ABCC4: variants seen among roughly 807,000 people sequenced by gnomAD.
ABCC4 encodes the protein ATP binding cassette subfamily C member 4 (PEL blood group), also known as ATP-binding cassette sub-family C member 4.
In ABCC4, 102 loss-of-function variants were observed where a neutral mutation model predicts 168.5. That is an observed-to-expected ratio of 0.61 (90% CI 0.52 to 0.71). ABCC4 has a LOEUF of 0.71. Among genes scored for constraint, ABCC4 ranks in the 30% least tolerant of loss-of-function variants. The probability of loss-of-function intolerance (pLI) is 0.00; values close to 1 mark genes in which losing one functional copy is unlikely to be tolerated. For synonymous variants in ABCC4, 617 were observed against 590.7 expected (o/e 1.04, Z -0.65); for missense variants, 1,402 against 1,605.8 (o/e 0.87, Z 2.17).
At chr13:95,103,763 C>A (rs1020894957) in intron 20 of ABCC4, among the ~76,000 whole-genome samples, 8 of 152,276 alleles carry the variant, frequency 5.3e-5, no homozygotes, top group Admixed American at 3.3e-4. Flanking sequence ...ATCCTTCCAC[C>A]CAAATCTCTA....
chr13:95,209,513 A>T lies in ABCC4; in HGVS notation c.706T>A (p.Ser236Thr), dbSNP rs148740702. Reference sequence around the variant, plus strand: ...AGAACTGCCATCCCAGCAAGGCACGATATTCCTATCTCCATCCAGAGTAGG... The same window carrying T: ...AGAACTGCCATCCCAGCAAGGCACGTTATTCCTATCTCCATCCAGAGTAGG... ...TALLWMEIGI[S>T]CLAGMAVLII... Residue 236 changes from serine to threonine, a missense_variant, in exon 6 of 31, where the codon TCG (serine) becomes ACG (threonine). Transcript: ENST00000645237. The T allele has an allele frequency of 6.2e-6, 10 of 1,614,116 alleles. No homozygotes were observed. The highest frequency in any genetic ancestry group is 8.5e-6 in the Non-Finnish European group (10 of 1,180,032).
chr13:95,286,503 T>C (rs1420453886), intron 1 of ABCC4, among the ~76,000 whole-genome samples: 4 of 149,144 alleles, frequency 2.7e-5, no homozygotes, highest in East Asian at 4.1e-4. Flanking sequence ...CTTCTGAGTA[T>C]GAATTAAATT....
chr13:95,189,188 C>A (rs1357660594), intron 9 of ABCC4, among the ~76,000 whole-genome samples: 1 of 121,766 alleles, frequency 8.2e-6, no homozygotes, highest in Non-Finnish European at 1.6e-5. Flanking sequence ...GGCGGGAGTG[C>A]TGTGGCGCGA....
intron 4 of ABCC4, among the ~76,000 whole-genome samples, chr13:95,211,901 C>T (rs9524828): frequency 0.76 from 114,632 of 151,470 alleles, 43,959 homozygotes; most frequent in Non-Finnish European, 0.84. Context: ...AAAAAATGGC[C>T]GGGCGCGGTG....
At chr13:95,263,230 C>A (rs533738976) in intron 1 of ABCC4, among the ~76,000 whole-genome samples, 1 of 152,192 alleles carries the variant, frequency 6.6e-6, no homozygotes, top group South Asian at 2.1e-4. Flanking sequence ...TGTCTCTAAG[C>A]AGACACATGC....
At chr13:95,155,256 A>G (rs1279067477) in intron 19 of ABCC4, among the ~76,000 whole-genome samples, 3 of 151,380 alleles carry the variant, frequency 2.0e-5, no homozygotes, top group Non-Finnish European at 4.4e-5. Flanking sequence ...TGATGCAATC[A>G]CAGCTCACTG....
chr13:95,114,273 C>T (rs1452001750), intron 20 of ABCC4, among the ~76,000 whole-genome samples: 1 of 152,170 alleles, frequency 6.6e-6, no homozygotes, highest in Non-Finnish European at 1.5e-5. Flanking sequence ...CAAGTAGCAT[C>T]CATCCCTCTC....
chr13:95,167,396 T>C (rs1343025054), intron 14 of ABCC4, among the ~76,000 whole-genome samples: 1 of 151,824 alleles, frequency 6.6e-6, no homozygotes, highest in Non-Finnish European at 1.5e-5. Flanking sequence ...GCAAACAAAA[T>C]ATTAGGCAAA....
At chr13:95,075,342 G>A (rs1211260159) in intron 22 of ABCC4, 90 bp downstream of exon 22, 6 of 1,555,036 alleles carry the variant, frequency 3.9e-6, no homozygotes, top group Non-Finnish European at 5.3e-6. Flanking sequence ...GCCCTGAGGT[G>A]CCTGCCAACA....
At chr13:95,155,675 G>C (rs1352405393) in intron 19 of ABCC4, among the ~76,000 whole-genome samples, 1 of 152,112 alleles carries the variant, frequency 6.6e-6, no homozygotes, top group African/African-American at 2.4e-5. Context: ...AGAAAAACCA[G>C]TTGTGTAAAA....
intron 3 of ABCC4, among the ~76,000 whole-genome samples, chr13:95,236,130 C>A (rs1318334543): frequency 6.6e-6 from 1 of 152,110 alleles, no homozygotes; most frequent in African/African-American, 2.4e-5. Context: ...ACCCTCCCTG[C>A]CAAATGAGCA....
At chr13:95,064,125 T>C (rs2033403768) in intron 25 of ABCC4, among the ~76,000 whole-genome samples, 1 of 151,974 alleles carries the variant, frequency 6.6e-6, no homozygotes, top group African/African-American at 2.4e-5. Flanking sequence ...AATATAAAAA[T>C]GTAAATGTTT....
At chr13:95,067,645 C>G (rs1445783145) in intron 25 of ABCC4, among the ~76,000 whole-genome samples, 1 of 152,092 alleles carries the variant, frequency 6.6e-6, no homozygotes, top group Non-Finnish European at 1.5e-5. Flanking sequence ...GATGAGCAAG[C>G]AGGCAGGGCA....
intron 10 of ABCC4, among the ~76,000 whole-genome samples, chr13:95,187,746 C>T (rs1033057366): frequency 1.3e-5 from 2 of 152,006 alleles, no homozygotes; most frequent in African/African-American, 4.8e-5. Flanking sequence ...GTTAAACCAC[C>T]CTATTTGTTA....
intron 4 of ABCC4, among the ~76,000 whole-genome samples, chr13:95,228,501 G>A (rs4238313): frequency 0.76 from 115,946 of 151,964 alleles, 44,727 homozygotes; most frequent in Non-Finnish European, 0.84. Flanking sequence ...AAGGCCAGGC[G>A]CAGTGGCTCA....
intron 11 of ABCC4, among the ~76,000 whole-genome samples, chr13:95,180,138 C>T (rs937387467): frequency 3.9e-5 from 6 of 152,192 alleles, no homozygotes; most frequent in South Asian, 2.1e-4. Flanking sequence ...CCTAATACTC[C>T]AATCTGAACC....
At chr13:95,116,115 T>C (rs1348454928) in intron 19 of ABCC4, 114 bp from the exon 20 acceptor site, 2 of 675,604 alleles carry the variant, frequency 3.0e-6, no homozygotes, top group Admixed American at 3.6e-5. Context: ...TAATATATTA[T>C]TCATATGAAA....
intron 20 of ABCC4, among the ~76,000 whole-genome samples, chr13:95,095,028 T>C (rs1352179529): frequency 6.6e-6 from 1 of 152,162 alleles, no homozygotes; most frequent in Non-Finnish European, 1.5e-5. Flanking sequence ...ATCAGGGAAC[T>C]CTTCTACACT....
In ABCC4 at chr13:95,301,127, G is replaced by A. The variant is rs1236860304; in HGVS notation, c.74+114C>T. The A allele has an allele frequency of 2.4e-5, 24 of 996,532 alleles. No homozygotes were observed. The East Asian group carries it at 7.3e-4, about 30-fold the overall frequency. 61.7% of individuals were successfully genotyped at this position (996,532 alleles called of 1,614,324 possible). ...CGTGGACCGCGTGGCGTAGGAAAGCGCTCCCCTCGCCCCCAGCCGCAGAGG... is the reference window on the plus strand; with the variant it reads ...CGTGGACCGCGTGGCGTAGGAAAGCACTCCCCTCGCCCCCAGCCGCAGAGG... On this transcript the variant is annotated intron_variant, in intron 1 of 30. Coordinates refer to ENST00000645237, the MANE Select transcript of ABCC4 (RefSeq NM_005845.5).
Sources: gnomAD v4.1 joint callset for allele counts (sites outside exome capture counted in the v4.1 genomes callset) on GRCh38, gnomAD v4.1.1 for gene constraint, MANE v1.5 for transcripts, NCBI Gene and HGNC (gene_info 2026-07-23, HGNC 2026-07-21) for gene names.